Variants in PCDHGB4 observed in about 807,000 individuals in gnomAD.
PCDHGB4 encodes the protein protocadherin gamma subfamily B, 4.
In PCDHGB4, 38 loss-of-function variants were observed where a neutral mutation model predicts 60.5. The ratio of observed to expected loss-of-function variants is 0.63; its 90% CI spans 0.48 to 0.82. PCDHGB4 has a LOEUF of 0.82. Ranked by LOEUF, PCDHGB4 falls within the 40% of genes least tolerant of loss-of-function variation. The probability of loss-of-function intolerance (pLI) is 0.00; values close to 1 mark genes in which losing one functional copy is unlikely to be tolerated. For synonymous variants in PCDHGB4, 456 were observed against 509.7 expected (o/e 0.89, Z 1.42); for missense variants, 1,109 against 1,209.6 (o/e 0.92, Z 1.23).
At chr5:141,447,623 C>G (rs940221130) in intron 1 of PCDHGB4, among the ~76,000 whole-genome samples, 1 of 152,042 alleles carries the variant, frequency 6.6e-6, no homozygotes, top group African/African-American at 2.4e-5. Flanking sequence ...AAAGTTGAAA[C>G]CAACAGTATG....
chr5:141,437,664 A>G (rs10035418), intron 1 of PCDHGB4, among the ~76,000 whole-genome samples: 45,525 of 151,942 alleles, frequency 0.3, 8,040 homozygotes, highest in African/African-American at 0.5. Context: ...AGTTTCGAAG[A>G]GATGTTGATC....
intron 1 of PCDHGB4, chr5:141,421,581 C>T (rs2096585155): frequency 2.5e-6 from 4 of 1,613,712 alleles, no homozygotes; most frequent in Admixed American, 1.7e-5. Flanking sequence ...TGAAGATTTA[C>T]GGAGTGGAGG....
chr5:141,414,783 G>C, intron 1 of PCDHGB4: 2 of 1,614,220 alleles, frequency 1.2e-6, no homozygotes, highest in Non-Finnish European at 1.7e-6. Context: ...AGATGCAGGT[G>C]ACAGCCAGCG....
intron 3 of PCDHGB4, 94 bp downstream of exon 3, chr5:141,505,575 C>T: frequency 6.3e-7 from 1 of 1,592,302 alleles, no homozygotes. Context: ...GATGTCAAAC[C>T]TGTGTAGTTT....
intron 1 of PCDHGB4, among the ~76,000 whole-genome samples, chr5:141,461,233 G>T (rs2099011336): frequency 6.6e-6 from 1 of 152,028 alleles, no homozygotes; most frequent in East Asian, 1.9e-4. Context: ...CATAGAGGTT[G>T]TACTAATTTA....
chr5:141,422,447 C>G, intron 1 of PCDHGB4: 2 of 1,610,922 alleles, frequency 1.2e-6, no homozygotes, highest in Non-Finnish European at 1.7e-6. Flanking sequence ...AAATTGATAA[C>G]AAGCAGAGTG....
At position 141,511,563 on chromosome 5, in the gene PCDHGB4, C is replaced by T. The variant is rs911782127; in HGVS notation, c.*390C>T. ...CCCCACTCCAACAGTTCCTCTTTCCCGAGTAAGGTGGTTGGGGTGTTGAAG... is the reference window on the plus strand; with the variant it reads ...CCCCACTCCAACAGTTCCTCTTTCCTGAGTAAGGTGGTTGGGGTGTTGAAG... On this transcript the variant is annotated 3_prime_UTR_variant, in exon 4 of 4. Coordinates refer to ENST00000519479, the MANE Select transcript of PCDHGB4 (RefSeq NM_003736.4). The T allele has an allele frequency of 7.8e-5, 23 of 295,048 alleles. No homozygotes were observed. The highest frequency in any genetic ancestry group is 3.4e-4 in the African/African-American group (16 of 46,532). The allele number at this position is 295,048 out of a possible 1,614,324, so 18.3% of individuals were successfully genotyped here. A position where few individuals can be genotyped will look rare whatever the true frequency, so the allele number is the denominator to read the frequency against.
chr5:141,430,897 C>T, intron 1 of PCDHGB4: 1 of 1,605,442 alleles, frequency 6.2e-7, no homozygotes, highest in Non-Finnish European at 8.5e-7. Context: ...CTAGGGTGGG[C>T]GACATCTCCA....
intron 3 of PCDHGB4, among the ~76,000 whole-genome samples, chr5:141,510,054 G>A (rs1166696269): frequency 1.3e-5 from 2 of 152,180 alleles, no homozygotes; most frequent in Non-Finnish European, 2.9e-5. Context: ...AAAAGTGATT[G>A]TGCATGTGAA....
intron 1 of PCDHGB4, among the ~76,000 whole-genome samples, chr5:141,445,458 A>G (rs1427391084): frequency 6.6e-6 from 1 of 152,248 alleles, no homozygotes; most frequent in Non-Finnish European, 1.5e-5. Flanking sequence ...TGCAGCAATG[A>G]ACAAGGCATA....
intron 1 of PCDHGB4, chr5:141,419,926 G>T: frequency 6.2e-7 from 1 of 1,614,096 alleles, no homozygotes; most frequent in South Asian, 1.1e-5. Flanking sequence ...CTGAGATGCA[G>T]TTTTACCTGG....
rs772487189 is a variant in PCDHGB4 at position 141,415,555 on chromosome 5, C to G, written c.2397+25274C>G. 5 of 1,613,954 alleles carry G rather than the reference C, an allele frequency of 3.1e-6. No homozygotes were observed. In the African/African-American group the frequency reaches 6.7e-5, roughly 22 times the overall value. On this transcript the variant is annotated intron_variant, in intron 1 of 3. Transcript: ENST00000519479. ...CCAGGAGAGCTGTGAGAAAAACGAT[C>G]CTTTGTCTTTGTTAGATGATTCGAA...
In PCDHGB4 at chr5:141,409,580, C is replaced by T. The variant is rs969743613; in HGVS notation, c.2397+19299C>T. The T allele has an allele frequency of 3.7e-6, 6 of 1,613,922 alleles. No homozygotes were observed. The Admixed American group carries it at 8.3e-5, about 22-fold the overall frequency. The stretch of plus-strand genomic sequence containing the variant: ...TTTCGACCAGACGTCCTACGTGGTC[C>T]ACGTGGCCGAGAACAACCCGCCAGG... On this transcript the variant is annotated intron_variant, in intron 1 of 3. Transcript: ENST00000519479.
At chr5:141,505,583 T>C (rs2099846941) in intron 3 of PCDHGB4, 102 bp downstream of exon 3, 3 of 1,583,532 alleles carry the variant, frequency 1.9e-6, no homozygotes, top group Non-Finnish European at 2.6e-6. Flanking sequence ...ACCTGTGTAG[T>C]TTCTCCAGAT....
intron 1 of PCDHGB4, chr5:141,400,584 A>G (rs745551734): frequency 1.9e-6 from 3 of 1,609,038 alleles, no homozygotes; most frequent in Non-Finnish European, 8.5e-7. Flanking sequence ...TATTTACATG[A>G]AACTATCGTA....
chr5:141,470,113 A>C (rs1209326739), intron 1 of PCDHGB4, among the ~76,000 whole-genome samples: 1 of 152,126 alleles, frequency 6.6e-6, no homozygotes, highest in Non-Finnish European at 1.5e-5. Context: ...TGAGCAACAG[A>C]GCAAGACTTC....
At chr5:141,390,506 T>A in intron 1 of PCDHGB4, 1 of 598,006 alleles carries the variant, frequency 1.7e-6, no homozygotes, top group Non-Finnish European at 2.9e-6. Context: ...CAAGCTTAGA[T>A]TTATAAAGCA....
At chr5:141,403,732 G>A (rs1472288445) in intron 1 of PCDHGB4, 2 of 1,613,932 alleles carry the variant, frequency 1.2e-6, no homozygotes, top group Non-Finnish European at 1.7e-6. Context: ...CAGGCACCTG[G>A]CTGCTTACTG....
At chr5:141,492,402 C>A (rs1254310448) in intron 1 of PCDHGB4, among the ~76,000 whole-genome samples, 1 of 152,232 alleles carries the variant, frequency 6.6e-6, no homozygotes, top group African/African-American at 2.4e-5. Flanking sequence ...TCGCAGCTCC[C>A]CTCTGCCGCT....
Sources: allele counts gnomAD v4.1 joint callset (sites outside exome capture counted in the v4.1 genomes callset), GRCh38; gene constraint gnomAD v4.1.1; transcripts MANE v1.5; gene names NCBI Gene and HGNC (gene_info 2026-07-23, HGNC 2026-07-21).